DENND5B: variants seen among roughly 807,000 people sequenced by gnomAD.
DENND5B encodes DENN domain-containing protein 5B.
DENND5B carries 34 observed loss-of-function variants against 140.6 expected under a neutral mutation model. That is an observed-to-expected ratio of 0.24 (90% confidence interval 0.18 to 0.32). The LOEUF (loss-of-function observed/expected upper bound fraction) is 0.32. DENND5B is among the 10% of genes least tolerant of loss of function. The pLI is 1.00. For synonymous variants in DENND5B, 551 were observed against 562.1 expected (o/e 0.98, Z 0.28); for missense variants, 1,142 against 1,560.2 (o/e 0.73, Z 4.52).
intron 2 of DENND5B, among the ~76,000 whole-genome samples, chr12:31,482,220 T>C (rs1039342901): frequency 1.3e-5 from 2 of 152,200 alleles, no homozygotes; most frequent in Non-Finnish European, 2.9e-5. Flanking sequence ...TCTATCCAAG[T>C]TCATTTCCAG....
intron 17 of DENND5B, among the ~76,000 whole-genome samples, chr12:31,397,336 C>T (rs1223982796): frequency 6.6e-6 from 1 of 151,868 alleles, no homozygotes; most frequent in Admixed American, 6.6e-5. Flanking sequence ...ATCTCAAGGT[C>T]AAGAGATTGA....
chr12:31,573,897 G>A (rs1949908403), intron 1 of DENND5B, among the ~76,000 whole-genome samples: 1 of 151,798 alleles, frequency 6.6e-6, no homozygotes, highest in Non-Finnish European at 1.5e-5. Context: ...TGAGGCTGTA[G>A]TGAGCTATGA....
intron 10 of DENND5B, 102 bp from the exon 11 acceptor site, chr12:31,423,777 T>A: frequency 1.7e-6 from 2 of 1,148,466 alleles, no homozygotes; most frequent in Non-Finnish European, 2.6e-6. Context: ...AGAAGTCTGG[T>A]GACCCAAGCT....
chr12:31,523,303 T>C (rs1403139781), intron 1 of DENND5B, among the ~76,000 whole-genome samples: 1 of 152,128 alleles, frequency 6.6e-6, no homozygotes, highest in Admixed American at 6.6e-5. Context: ...CCTCAAGTGA[T>C]CCGCCTGCCT....
chr12:31,555,327 C>G (rs1949239161), intron 1 of DENND5B, among the ~76,000 whole-genome samples: 1 of 152,162 alleles, frequency 6.6e-6, no homozygotes, highest in Admixed American at 6.5e-5. Context: ...CACTCCAGAC[C>G]CTGTTTGCCT....
chr12:31,428,216 C>G (rs1253660936), intron 8 of DENND5B, among the ~76,000 whole-genome samples: 1 of 150,580 alleles, frequency 6.6e-6, no homozygotes, highest in African/African-American at 2.4e-5. Context: ...GTGGCGGGTG[C>G]CTGTAATCCC....
At chr12:31,461,079 T>C (rs1377096668) in intron 3 of DENND5B, among the ~76,000 whole-genome samples, 1 of 145,846 alleles carries the variant, frequency 6.9e-6, no homozygotes, top group Non-Finnish European at 1.5e-5. Flanking sequence ...CAATTCCCAT[T>C]TTTCTTTTTT....
intron 2 of DENND5B, among the ~76,000 whole-genome samples, chr12:31,483,760 C>T (rs569412193): frequency 1.8e-4 from 28 of 151,758 alleles, no homozygotes; most frequent in Non-Finnish European, 3.1e-4. Flanking sequence ...GGGCATTTCT[C>T]GCTTTATGTT....
At chr12:31,398,432 G>A in intron 16 of DENND5B, 70 bp from the exon 17 acceptor site, 1 of 1,437,048 alleles carries the variant, frequency 7.0e-7, no homozygotes, top group African/African-American at 1.4e-5. Context: ...AGCCCCCTGA[G>A]TAGTTGAGAC....
In DENND5B at chr12:31,535,766, C is replaced by A. The variant is rs181891653; in HGVS notation, c.128-39847G>T. Among the ~76,000 whole-genome samples, 329 of 152,312 alleles carry A rather than the reference C, an allele frequency of 2.2e-3. 3 individuals carry two copies. The highest frequency in any genetic ancestry group is 7.0e-3 in the African/African-American group (291 of 41,554). On this transcript the variant is annotated intron_variant, in intron 1 of 20. Transcript: ENST00000389082. ...CAACAAACATCCGCAAGTATCAAGA[C>A]CATCCAGGAAAACATGACCTCACCA...
intron 1 of DENND5B, among the ~76,000 whole-genome samples, chr12:31,564,917 G>A (rs937969070): frequency 2.0e-5 from 3 of 152,058 alleles, no homozygotes; most frequent in Non-Finnish European, 2.9e-5. Context: ...AAAGATAGCA[G>A]ATTGTATTAT....
intron 1 of DENND5B, among the ~76,000 whole-genome samples, chr12:31,586,753 G>A (rs1053241290): frequency 1.3e-5 from 2 of 152,148 alleles, no homozygotes; most frequent in Non-Finnish European, 2.9e-5. Flanking sequence ...GAAGCAACTG[G>A]TAGAATTTAT....
Position 31,387,581 on chromosome 12 carries a change from T to G in DENND5B, c.*22A>C. 6.2e-7 allele frequency: 1 copy of G among 1,607,380 alleles called. No individual in the cohort carries two copies. The highest frequency in any genetic ancestry group is 8.5e-7 in the Non-Finnish European group (1 of 1,174,952). ...GTTGGGGAAGGAGCAAGGTTTGGAC[T>G]GAGAGTTTCTAGCCAGTTGGGTTAC... On this transcript the variant is annotated 3_prime_UTR_variant, in exon 21 of 21. Transcript: ENST00000389082.
At chr12:31,407,216 C>T (rs149635934) in intron 14 of DENND5B, among the ~76,000 whole-genome samples, 1,758 of 150,542 alleles carry the variant, frequency 0.012, 25 homozygotes, top group African/African-American at 0.041. Flanking sequence ...CTGCAACCTC[C>T]GCCTCCCGGG....
chr12:31,530,074 T>C (rs1290239741), intron 1 of DENND5B, among the ~76,000 whole-genome samples: 1 of 151,946 alleles, frequency 6.6e-6, no homozygotes, highest in Non-Finnish European at 1.5e-5. Context: ...GGAGCAACAT[T>C]TAAAAAAAAT....
chr12:31,527,060 A>G (rs1295685151), intron 1 of DENND5B, among the ~76,000 whole-genome samples: 1 of 152,222 alleles, frequency 6.6e-6, no homozygotes, highest in Non-Finnish European at 1.5e-5. Flanking sequence ...CAGGCAATAA[A>G]CAATAAACAT....
At chr12:31,448,675 C>A (rs1012423683) in intron 5 of DENND5B, among the ~76,000 whole-genome samples, 2 of 152,144 alleles carry the variant, frequency 1.3e-5, no homozygotes, top group Admixed American at 1.3e-4. Flanking sequence ...TCCTTCCACA[C>A]CTGTGCTGAC....
chr12:31,491,514 A>G (rs371778380), intron 2 of DENND5B, among the ~76,000 whole-genome samples: 54 of 152,262 alleles, frequency 3.5e-4, no homozygotes, highest in African/African-American at 1.2e-3. Context: ...GAGACTGTGG[A>G]AACAAGGGAA....
intron 1 of DENND5B, among the ~76,000 whole-genome samples, chr12:31,527,597 G>C (rs1043590249): frequency 1.3e-5 from 2 of 152,110 alleles, no homozygotes; most frequent in African/African-American, 4.8e-5. Context: ...GGCCAACATG[G>C]TGAAACCCTG....
Sources: gnomAD v4.1 joint callset for allele counts (sites outside exome capture counted in the v4.1 genomes callset) on GRCh38, gnomAD v4.1.1 for gene constraint, MANE v1.5 for transcripts, NCBI Gene and HGNC (gene_info 2026-07-23, HGNC 2026-07-21) for gene names.